The following DPP6 variants were observed in gnomAD, a reference collection of about 807,000 sequenced individuals.
The protein encoded by DPP6 is A-type potassium channel modulatory protein DPP6.
Under a neutral mutation model 122.6 loss-of-function variants are expected in DPP6, and 69 were observed. The ratio of observed to expected loss-of-function variants is 0.56; its 90% CI spans 0.46 to 0.69. The LOEUF (loss-of-function observed/expected upper bound fraction) is 0.69, where lower values mean the gene tolerates loss of function less well. Ranked by LOEUF, DPP6 falls within the 30% of genes least tolerant of loss-of-function variation. The pLI, the probability that DPP6 is intolerant of heterozygous loss-of-function variation, is 0.00. For synonymous variants in DPP6, 418 were observed against 433.1 expected (o/e 0.97, Z 0.43); for missense variants, 928 against 1,116.9 (o/e 0.83, Z 2.41).
chr7:154,599,283 C>T (rs1370817469), intron 5 of DPP6, among the ~76,000 whole-genome samples: 1 of 152,132 alleles, frequency 6.6e-6, no homozygotes. Context: ...GGTCTAAGGA[C>T]TGCCATTCCG....
intron 17 of DPP6, among the ~76,000 whole-genome samples, chr7:154,855,303 T>C (rs1344857016): frequency 6.6e-6 from 1 of 151,976 alleles, no homozygotes; most frequent in Non-Finnish European, 1.5e-5. Context: ...AAACCAGAAA[T>C]AAATTAATAG....
chr7:154,452,409 A>G (rs1820462109), intron 2 of DPP6, among the ~76,000 whole-genome samples: 1 of 152,224 alleles, frequency 6.6e-6, no homozygotes, highest in South Asian at 2.1e-4. Context: ...TCAGTCTTCA[A>G]CAGTGGAGAA....
intron 5 of DPP6, among the ~76,000 whole-genome samples, chr7:154,627,000 C>CTTTTTTTTTTTTTTTTTTTTTTT (rs552919287): frequency 3.8e-5 from 2 of 52,092 alleles, no homozygotes; most frequent in Non-Finnish European, 6.7e-5. Flanking sequence ...GAAATTTTTT[C>CTTTTTTTTTTTTTTTTTTTTTTT]TTTTTTTTTT....
the DPP6 span, among the ~76,000 whole-genome samples, chr7:153,810,671 C>CCTCTCTCCTCTCT: frequency 8.0e-6 from 1 of 124,632 alleles, no homozygotes; most frequent in Non-Finnish European, 1.6e-5. Flanking sequence ...CTCTCTCTCT[C>CCTCTCTCCTCTCT]CTCTCTCTCT....
chr7:154,134,466 C>T lies in DPP6; in HGVS notation c.243+81403C>T, dbSNP rs543694470. Among the ~76,000 whole-genome samples, 15 of 152,250 alleles carry T rather than the reference C, an allele frequency of 9.9e-5. No homozygotes were observed. In the East Asian group the frequency reaches 1.4e-3, roughly 14 times the overall value. ...CATGGCGGGGACATGGCCTGACTCC[C>T]GATGTGCTCCTTCCTGTAGGGTCTT... On this transcript the variant is annotated intron_variant, in intron 1 of 25. Coordinates refer to ENST00000377770, the MANE Select transcript of DPP6 (RefSeq NM_130797.4).
chr7:154,652,320 T>TC (rs1252827261), intron 6 of DPP6, among the ~76,000 whole-genome samples: 1 of 152,138 alleles, frequency 6.6e-6, no homozygotes, highest in East Asian at 1.9e-4. Flanking sequence ...TTACTTTTTT[T>TC]CCCCTACCTG....
chr7:154,881,692 G>A (rs900262250), intron 21 of DPP6, among the ~76,000 whole-genome samples: 8 of 152,172 alleles, frequency 5.3e-5, no homozygotes, highest in Non-Finnish European at 1.0e-4. Flanking sequence ...TTACGTCATC[G>A]CCTCCAAAAC....
intron 1 of DPP6, among the ~76,000 whole-genome samples, chr7:154,187,850 T>C (rs1173830089): frequency 3.9e-5 from 6 of 152,092 alleles, no homozygotes; most frequent in Admixed American, 3.3e-4. Flanking sequence ...AAAAAAAAAC[T>C]TCTGATGCCG....
chr7:154,358,554 G>A (rs1181140976), intron 1 of DPP6, among the ~76,000 whole-genome samples: 3 of 152,144 alleles, frequency 2.0e-5, no homozygotes, highest in East Asian at 3.9e-4. Flanking sequence ...TGTGGCAAGC[G>A]GATGGCACTC....
At chr7:153,853,264 A>G in the DPP6 span, among the ~76,000 whole-genome samples, 1 of 152,232 alleles carries the variant, frequency 6.6e-6, no homozygotes, top group Non-Finnish European at 1.5e-5. Flanking sequence ...CACGTTTGAT[A>G]TCATTGCATC....
chr7:154,420,331 GAGA>G (rs1299448356), intron 1 of DPP6, among the ~76,000 whole-genome samples: 1 of 152,162 alleles, frequency 6.6e-6, no homozygotes, highest in African/African-American at 2.4e-5. Context: ...AGCTAGAAGA[GAGA>G]AGGAGATCCT....
intron 16 of DPP6, among the ~76,000 whole-genome samples, chr7:154,812,481 A>G (rs79135872): frequency 0.02 from 3,122 of 152,320 alleles, 50 homozygotes; most frequent in Non-Finnish European, 0.031. Context: ...CCAGGGTACC[A>G]GCATGGTTGA....
rs1389356256 is a variant in DPP6 at position 154,879,609 on chromosome 7, A to C, written c.2079-1279A>C. On this transcript the variant is annotated intron_variant, in intron 20 of 25. Coordinates refer to ENST00000377770, the MANE Select transcript of DPP6 (RefSeq NM_130797.4). ...GTCTCAAAAAAAAAAAAAAAAAAAAAACACAAAAATCAGCCAGGTGTAATC... is the reference window on the plus strand; with the variant it reads ...GTCTCAAAAAAAAAAAAAAAAAAAACACACAAAAATCAGCCAGGTGTAATC... Among the ~76,000 whole-genome samples the C allele has an allele frequency of 5.3e-5, 8 of 150,576 alleles. 1 individual carries two copies. Among genetic ancestry groups the C allele is most frequent in the South Asian group, 4.2e-4 (2 of 4,774 alleles).
chr7:154,082,272 T>A (rs1452523933), intron 1 of DPP6, among the ~76,000 whole-genome samples: 1 of 152,140 alleles, frequency 6.6e-6, no homozygotes. Context: ...TCCTTTTATA[T>A]CTCTTCTACA....
chr7:153,773,174 C>A, the DPP6 span, among the ~76,000 whole-genome samples: 2 of 147,626 alleles, frequency 1.4e-5, no homozygotes, highest in African/African-American at 2.5e-5. Flanking sequence ...ACACACAAAA[C>A]CAAAAATTTA....
chr7:154,271,092 G>A (rs750681883), intron 1 of DPP6, among the ~76,000 whole-genome samples: 2 of 152,184 alleles, frequency 1.3e-5, no homozygotes, highest in Admixed American at 6.5e-5. Flanking sequence ...CAGGATGTCT[G>A]TTTCTGTGAA....
At chr7:153,752,153 A>T in the DPP6 span, among the ~76,000 whole-genome samples, 5 of 152,162 alleles carry the variant, frequency 3.3e-5, no homozygotes, top group Admixed American at 2.0e-4. Flanking sequence ...GCATTACTTT[A>T]CCTTTGAGCA....
intron 1 of DPP6, among the ~76,000 whole-genome samples, chr7:153,964,581 G>C (rs1484194298): frequency 6.6e-6 from 1 of 152,110 alleles, no homozygotes; most frequent in African/African-American, 2.4e-5. Context: ...AGATGTAGGG[G>C]CATGACAGCT....
intron 7 of DPP6, among the ~76,000 whole-genome samples, chr7:154,700,186 A>C (rs1345930916): frequency 1.3e-5 from 2 of 152,240 alleles, no homozygotes; most frequent in East Asian, 3.8e-4. Flanking sequence ...AGCCCTCAAC[A>C]AAGAGTGGTT....
Sources: allele counts gnomAD v4.1 joint callset (sites outside exome capture counted in the v4.1 genomes callset), GRCh38; gene constraint gnomAD v4.1.1; transcripts MANE v1.5; gene names NCBI Gene and HGNC (gene_info 2026-07-23, HGNC 2026-07-21).